The following STOML3 variants were observed in gnomAD, a reference collection of about 807,000 sequenced individuals.
STOML3 encodes the protein stomatin-like protein 3.
Under a neutral mutation model 29.5 loss-of-function variants are expected in STOML3, and 31 were observed. That is an observed-to-expected ratio of 1.05 (90% CI 0.79 to 1.42). STOML3 has a LOEUF of 1.42. Ranked by LOEUF, STOML3 falls within the 40% of genes most tolerant of loss-of-function variation. The probability of loss-of-function intolerance (pLI) is 0.00; values close to 1 mark genes in which losing one functional copy is unlikely to be tolerated. For synonymous variants in STOML3, 122 were observed against 139.8 expected, an observed-to-expected ratio of 0.87 and a Z score of 0.90; for missense variants, 380 against 363.0, an observed-to-expected ratio of 1.05 and a Z score of -0.38.
chr13:38,972,672 C>T, intron 3 of STOML3, 78 bp from the exon 4 acceptor site: 1 of 1,244,084 alleles, frequency 8.0e-7, no homozygotes, highest in South Asian at 1.2e-5. Context: ...CATAGTGCAT[C>T]ATTTACATGG....
chr13:38,980,276 T>C, intron 1 of STOML3: 1 of 737,604 alleles, frequency 1.4e-6, no homozygotes, highest in South Asian at 1.8e-5. Context: ...GGGCTGTGAG[T>C]GCTGCTGTCA....
At position 38,966,867 on chromosome 13, in the gene STOML3, G is replaced by A. The variant is rs748546865; in HGVS notation, c.834C>T (p.Gly278=). 20 of 1,613,652 alleles carry A rather than the reference G, an allele frequency of 1.2e-5. No individual in the cohort carries two copies. Among genetic ancestry groups the A allele is most frequent in the South Asian group, 8.8e-5 (8 of 91,066 alleles). The change falls in exon 7 of 7, where the codon GGC becomes GGT. Residue 278 remains glycine, a synonymous_variant. Transcript: ENST00000379631. ...GCTTCTTGTGGTTATCATAGCTGAC[G>A]CCACCAATGCCCTCTAGTATATTCA... is the stretch of plus-strand genomic sequence containing the variant. ...LPMNILEGIG[G]VSYDNHKKLP...
At chr13:38,979,921 G>A (rs1455934589) in intron 1 of STOML3, 5 of 853,394 alleles carry the variant, frequency 5.9e-6, no homozygotes, top group Non-Finnish European at 9.5e-6. Context: ...GCACACGCAG[G>A]CAGCTGGGAC....
rs1459832301 is a variant in STOML3, at chr13:38,966,222, C to T, written c.*603G>A. The stretch of plus-strand genomic sequence containing the variant: ...CTGGAAGGTGGAGAGTTGGCCACTC[C>T]CTGCAGGACACACAGCAAGAGACCT... On this transcript the variant is annotated 3_prime_UTR_variant, in exon 7 of 7. Coordinates refer to ENST00000379631, the MANE Select transcript of STOML3 (RefSeq NM_145286.3). 1.3e-5 allele frequency: 2 copies of T among 152,348 alleles called. No homozygotes were observed. The highest frequency in any genetic ancestry group is 6.5e-5 in the Admixed American group (1 of 15,288). 9.4% of individuals were successfully genotyped at this position (152,348 alleles called of 1,614,324 possible).
At chr13:38,982,292 CATT>C (rs1340693633) in intron 1 of STOML3, among the ~76,000 whole-genome samples, 1 of 151,660 alleles carries the variant, frequency 6.6e-6, no homozygotes, top group South Asian at 2.1e-4. Context: ...ACAAAATTGT[CATT>C]ATAAATTCTT....
In STOML3 at chr13:38,968,606, T is replaced by C. The variant is rs117646601; in HGVS notation, c.517-72A>G. ...TGATGTATGTTTCTGATATGTTTTA[T>C]ACTTTCAAGATACATTTTTCTTTTT... On this transcript the variant is annotated intron_variant, in intron 5 of 6. Transcript: ENST00000379631. 2,998 of 1,550,312 alleles carry C rather than the reference T, an allele frequency of 1.9e-3. 78 individuals carry two copies. The East Asian group carries it at 0.056, about 29-fold the overall frequency.
intron 4 of STOML3, among the ~76,000 whole-genome samples, chr13:38,971,506 C>A (rs773746274): frequency 1.3e-5 from 2 of 152,188 alleles, no homozygotes; most frequent in Non-Finnish European, 2.9e-5. Flanking sequence ...TCCTGAATTT[C>A]TCTTCCTCTA....
intron 1 of STOML3, among the ~76,000 whole-genome samples, chr13:38,978,143 AT>A (rs1449117130): frequency 6.7e-6 from 1 of 149,142 alleles, no homozygotes; most frequent in Non-Finnish European, 1.5e-5. Context: ...ATCTCCTTTA[AT>A]TATTTTTACT....
chr13:38,976,867 G>C, intron 1 of STOML3, 70 bp from the exon 2 acceptor site: 1 of 1,341,198 alleles, frequency 7.5e-7, no homozygotes, highest in Non-Finnish European at 1.1e-6. Flanking sequence ...CTGCATGGGT[G>C]TGGAACCTAT....
At chr13:38,967,940 C>T (rs1395512862) in intron 6 of STOML3, among the ~76,000 whole-genome samples, 1 of 152,100 alleles carries the variant, frequency 6.6e-6, no homozygotes, top group Non-Finnish European at 1.5e-5. Flanking sequence ...CCCTTTTATT[C>T]CAGCAACGTT....
chr13:38,987,610 C>A (rs977050596), intron 1 of STOML3, among the ~76,000 whole-genome samples: 1 of 146,826 alleles, frequency 6.8e-6, no homozygotes, highest in Non-Finnish European at 1.5e-5. Context: ...TTTGTGAAGA[C>A]AAATGTCTGT....
At chr13:38,989,111 G>A (rs185075854) in intron 1 of STOML3, among the ~76,000 whole-genome samples, 1 of 151,044 alleles carries the variant, frequency 6.6e-6, no homozygotes, top group African/African-American at 2.4e-5. Context: ...AGATCTCAGA[G>A]AATGGTCCAC....
At chr13:38,978,909 C>T (rs112890785) in intron 1 of STOML3, among the ~76,000 whole-genome samples, 72 of 152,264 alleles carry the variant, frequency 4.7e-4, no homozygotes, top group African/African-American at 1.7e-3. Context: ...ACTGTTAGGT[C>T]ATACAATTTT....
chr13:38,971,579 A>G (rs945901829), intron 4 of STOML3, among the ~76,000 whole-genome samples: 15 of 152,048 alleles, frequency 9.9e-5, no homozygotes, highest in African/African-American at 3.4e-4. Context: ...CCTCTTCCCT[A>G]TTGCTGAGTT....
rs774721690 is a variant in STOML3, at chr13:38,981,221, A to ATTTGG, written c.53-4425_53-4424insCCAAA. On this transcript the variant is annotated intron_variant, in intron 1 of 6. Transcript: ENST00000379631. ...TAAGGTGACACCCACAAATTCCACAAACAGACAGTGGTGCGTGTCTACCTT... is the reference window on the plus strand; with the variant it reads ...TAAGGTGACACCCACAAATTCCACAATTTGGACAGACAGTGGTGCGTGTCTACCTT... 9.9e-3 allele frequency among the ~76,000 whole-genome samples: 1,511 copies of ATTTGG among 152,244 alleles called. 15 individuals carry two copies. The highest frequency in any genetic ancestry group is 0.017 in the Non-Finnish European group (1,187 of 68,018).
chr13:38,990,243 G>A (rs906713640), intron 1 of STOML3, among the ~76,000 whole-genome samples: 7 of 152,090 alleles, frequency 4.6e-5, no homozygotes, highest in African/African-American at 1.7e-4. Context: ...TTGGAGAAAA[G>A]TCAGCCTCTT....
At chr13:38,975,916 A>G (rs1422400790) in intron 3 of STOML3, among the ~76,000 whole-genome samples, 2 of 152,136 alleles carry the variant, frequency 1.3e-5, no homozygotes, top group Non-Finnish European at 2.9e-5. Flanking sequence ...ACACTATACT[A>G]TACTAGATGT....
intron 1 of STOML3, among the ~76,000 whole-genome samples, chr13:38,983,319 T>C (rs1321913851): frequency 6.6e-6 from 1 of 152,226 alleles, no homozygotes; most frequent in East Asian, 1.9e-4. Flanking sequence ...TCAGACTGAG[T>C]TCTGGCCTCT....
At chr13:38,985,987 G>T (rs1173711016) in intron 1 of STOML3, among the ~76,000 whole-genome samples, 2 of 111,076 alleles carry the variant, frequency 1.8e-5, no homozygotes, top group East Asian at 3.0e-4. Flanking sequence ...AATAATGGAA[G>T]TATAAGTGGT....
Sources: allele counts gnomAD v4.1 joint callset (sites outside exome capture counted in the v4.1 genomes callset), GRCh38; gene constraint gnomAD v4.1.1; transcripts MANE v1.5; gene names NCBI Gene and HGNC (gene_info 2026-07-23, HGNC 2026-07-21).